Variants in PRKG1 observed in about 807,000 individuals in gnomAD.
The protein encoded by PRKG1 is protein kinase cGMP-dependent 1, also known as cGMP-dependent protein kinase 1.
A neutral mutation model predicts 88.1 loss-of-function variants in PRKG1; 35 were observed. That is an observed-to-expected ratio of 0.40 (90% CI 0.30 to 0.53). PRKG1 has a LOEUF of 0.53. Ranked by LOEUF, PRKG1 falls within the 20% of genes least tolerant of loss-of-function variation. The pLI, the probability that PRKG1 is intolerant of heterozygous loss-of-function variation, is 0.59. For synonymous variants in PRKG1, 303 were observed against 292.5 expected, an observed-to-expected ratio of 1.04 and a Z score of -0.37; for missense variants, 540 against 839.8, an observed-to-expected ratio of 0.64 and a Z score of 4.41.
intron 8 of PRKG1, among the ~76,000 whole-genome samples, chr10:52,137,372 A>G (rs143568378): frequency 6.6e-6 from 1 of 152,210 alleles, no homozygotes; most frequent in Non-Finnish European, 1.5e-5. Context: ...TATAAAAAGA[A>G]TATTAGTCTA....
At chr10:52,107,964 A>G (rs1350463280) in intron 7 of PRKG1, among the ~76,000 whole-genome samples, 4 of 152,228 alleles carry the variant, frequency 2.6e-5, no homozygotes, top group African/African-American at 9.6e-5. Flanking sequence ...GAATTGATAC[A>G]ATATGGCATG....
At chr10:51,824,562 T>C (rs1233344949) in intron 4 of PRKG1, among the ~76,000 whole-genome samples, 1 of 152,100 alleles carries the variant, frequency 6.6e-6, no homozygotes, top group African/African-American at 2.4e-5. Flanking sequence ...TAAAGGAATA[T>C]TTGAGACTGG....
chr10:51,037,255 C>T (rs759829158), intron 1 of PRKG1, among the ~76,000 whole-genome samples: 2 of 151,836 alleles, frequency 1.3e-5, no homozygotes, highest in Non-Finnish European at 2.9e-5. Flanking sequence ...TGAGACCAGC[C>T]TGGGCAACAT....
chr10:51,155,551 AAACTGTT>A (rs1188411461), intron 2 of PRKG1, among the ~76,000 whole-genome samples: 2 of 152,016 alleles, frequency 1.3e-5, no homozygotes, highest in Non-Finnish European at 2.9e-5. Context: ...TTCAGAGCTC[AAACTGTT>A]AACTATGGGG....
intron 5 of PRKG1, among the ~76,000 whole-genome samples, chr10:51,924,618 A>G (rs1167647345): frequency 2.0e-5 from 3 of 151,228 alleles, no homozygotes; most frequent in African/African-American, 7.3e-5. Flanking sequence ...TTTTATTCCA[A>G]TATTTCTTCT....
At chr10:51,004,639 C>T (rs1485610336) in intron 1 of PRKG1, among the ~76,000 whole-genome samples, 1 of 151,860 alleles carries the variant, frequency 6.6e-6, no homozygotes, top group African/African-American at 2.4e-5. Flanking sequence ...CATGAGAATG[C>T]TCTTTTCGGA....
intron 3 of PRKG1, among the ~76,000 whole-genome samples, chr10:51,704,910 A>C (rs1412429840): frequency 6.6e-6 from 1 of 151,894 alleles, no homozygotes; most frequent in Non-Finnish European, 1.5e-5. Context: ...AACTTATCTA[A>C]TCCTTTTCTA....
intron 1 of PRKG1, among the ~76,000 whole-genome samples, chr10:51,006,230 T>C (rs1449536280): frequency 6.6e-6 from 1 of 152,192 alleles, no homozygotes; most frequent in African/African-American, 2.4e-5. Flanking sequence ...AGCTAATATG[T>C]GGGAAGACAT....
intron 3 of PRKG1, among the ~76,000 whole-genome samples, chr10:51,658,350 T>C (rs893489771): frequency 6.6e-6 from 1 of 152,078 alleles, no homozygotes; most frequent in African/African-American, 2.4e-5. Context: ...AAAATACTCC[T>C]TTCTCTCCAG....
intron 1 of PRKG1, among the ~76,000 whole-genome samples, chr10:51,091,916 T>A (rs1007602292): frequency 2.0e-5 from 3 of 152,202 alleles, no homozygotes; most frequent in African/African-American, 7.2e-5. Context: ...TTGCTGCCTG[T>A]GCCTATACTA....
intron 14 of PRKG1, among the ~76,000 whole-genome samples, chr10:52,288,260 G>A (rs1017265477): frequency 6.6e-6 from 1 of 152,148 alleles, no homozygotes; most frequent in Non-Finnish European, 1.5e-5. Context: ...AGGTAGGAAA[G>A]TGCTCGGCAT....
intron 2 of PRKG1, among the ~76,000 whole-genome samples, chr10:51,409,318 G>C (rs1175564230): frequency 6.6e-6 from 1 of 152,162 alleles, no homozygotes; most frequent in Non-Finnish European, 1.5e-5. Flanking sequence ...GGCAGGAGTG[G>C]AGACCATGGG....
chr10:51,111,279 T>C (rs1483066412), intron 1 of PRKG1, among the ~76,000 whole-genome samples: 1 of 152,146 alleles, frequency 6.6e-6, no homozygotes, highest in Admixed American at 6.6e-5. Flanking sequence ...TATTTTTAAA[T>C]TTTTTGTGTG....
At chr10:52,031,637 C>T (rs1845476762) in intron 5 of PRKG1, among the ~76,000 whole-genome samples, 1 of 152,082 alleles carries the variant, frequency 6.6e-6, no homozygotes, top group African/African-American at 2.4e-5. Flanking sequence ...TTCAATTTAA[C>T]AAATATTTGG....
intron 5 of PRKG1, among the ~76,000 whole-genome samples, chr10:52,047,395 C>T (rs1845887153): frequency 1.3e-5 from 2 of 152,096 alleles, no homozygotes; most frequent in Non-Finnish European, 2.9e-5. Context: ...GTGATGAAAT[C>T]TGTGGTGACC....
chr10:51,265,335 T>C (rs1302764102), intron 2 of PRKG1, among the ~76,000 whole-genome samples: 1 of 152,140 alleles, frequency 6.6e-6, no homozygotes, highest in African/African-American at 2.4e-5. Context: ...GGATGCCCAG[T>C]TGAATTAGAA....
intron 3 of PRKG1, among the ~76,000 whole-genome samples, chr10:51,604,113 T>C (rs981757664): frequency 6.6e-6 from 1 of 151,070 alleles, no homozygotes; most frequent in South Asian, 2.1e-4. Flanking sequence ...TCAGCCTTCT[T>C]AACCACCCTC....
chr10:51,393,078 C>T (rs1428226758), intron 2 of PRKG1, among the ~76,000 whole-genome samples: 1 of 60,398 alleles, frequency 1.7e-5, no homozygotes, highest in Non-Finnish European at 3.5e-5. Context: ...GGCTGCCGGG[C>T]GGAGGGGCTC....
At chr10:52,248,588 C>T (rs1841085240) in intron 9 of PRKG1, among the ~76,000 whole-genome samples, 1 of 152,106 alleles carries the variant, frequency 6.6e-6, no homozygotes, top group South Asian at 2.1e-4. Context: ...AGCGTGATTA[C>T]AACATTACCA....
Sources: allele counts gnomAD v4.1 joint callset (sites outside exome capture counted in the v4.1 genomes callset), GRCh38; gene constraint gnomAD v4.1.1; transcripts MANE v1.5; gene names NCBI Gene and HGNC (gene_info 2026-07-23, HGNC 2026-07-21).